Variants in ZNF385D observed in about 807,000 individuals in gnomAD.
The protein encoded by ZNF385D is zinc finger protein 659.
Under a neutral mutation model 35.8 loss-of-function variants are expected in ZNF385D, and 15 were observed. That is an observed-to-expected ratio of 0.42 (90% CI 0.28 to 0.64). ZNF385D has a LOEUF of 0.64. Among genes scored for constraint, ZNF385D ranks in the 30% least tolerant of loss-of-function variants. The pLI, the probability that ZNF385D is intolerant of heterozygous loss-of-function variation, is 0.23. For synonymous variants in ZNF385D, 212 were observed against 186.8 expected (o/e 1.13, Z -1.10); for missense variants, 474 against 494.6 (o/e 0.96, Z 0.39).
rs1306866001 is a variant in ZNF385D at position 21,415,954 on chromosome 3, A to G, written c.*5260T>C. The G allele has an allele frequency of 6.6e-6, 1 of 152,086 alleles. No individual in the cohort carries two copies. The highest frequency in any genetic ancestry group is 1.5e-5 in the Non-Finnish European group (1 of 68,014). The allele number at this position is 152,086 out of a possible 1,614,324, so 9.4% of individuals were successfully genotyped here. ...ATGTTCAGTCCCTTGACATCTGAAC[A>G]TTGATGACCCAACCAGAGAATTCTT... On this transcript the variant is annotated 3_prime_UTR_variant, in exon 8 of 8. Coordinates refer to ENST00000281523, the MANE Select transcript of ZNF385D (RefSeq NM_024697.3).
At chr3:21,697,749 TAACTC>T (rs927568905) in intron 1 of ZNF385D, among the ~76,000 whole-genome samples, 3 of 151,640 alleles carry the variant, frequency 2.0e-5, no homozygotes, top group South Asian at 2.1e-4. Context: ...CAAACTCAAA[TAACTC>T]AACAAGAAAA....
intron 2 of ZNF385D, among the ~76,000 whole-genome samples, chr3:22,340,336 T>C (rs1695366364): frequency 6.6e-6 from 1 of 152,140 alleles, no homozygotes; most frequent in Non-Finnish European, 1.5e-5. Context: ...GCCACTTTAT[T>C]CACTAATCAA....
At chr3:21,708,016 G>T (rs551499241) in intron 1 of ZNF385D, among the ~76,000 whole-genome samples, 50 of 152,260 alleles carry the variant, frequency 3.3e-4, no homozygotes, top group Non-Finnish European at 3.8e-4. Context: ...ACTTTGGAAA[G>T]TAACAATCTC....
rs924363660 is a variant in ZNF385D at position 22,346,181 on chromosome 3, G to C, written c.106+26269C>G. Reference sequence around the variant, plus strand: ...ACTCCTGTTAGCCTTTATGCCTATAGAATGACTTAATTTATAAGCCAGGCT... The same window carrying C: ...ACTCCTGTTAGCCTTTATGCCTATACAATGACTTAATTTATAAGCCAGGCT... On this transcript the variant is annotated intron_variant, in intron 2 of 5. Coordinates refer to the ZNF385D transcript ENST00000494108. 7.2e-5 allele frequency among the ~76,000 whole-genome samples: 11 copies of C among 152,134 alleles called. 1 individual carries two copies. In the South Asian group the frequency reaches 2.3e-3, roughly 32 times the overall value.
At chr3:21,791,384 A>C (rs1575656695) in intron 3 of ZNF385D, among the ~76,000 whole-genome samples, 1 of 152,348 alleles carries the variant, frequency 6.6e-6, no homozygotes, top group East Asian at 1.9e-4. Context: ...GACAAATGAA[A>C]AACATTTAAC....
At position 22,173,681 on chromosome 3, in the gene ZNF385D, C is replaced by T. The variant is rs145529448; in HGVS notation, c.107-4646G>A. ...AGGGAAACATTCACTGCTTCATGTG[C>T]GGTCCACCATCGGATGGCTCTTTAT... is the stretch of plus-strand genomic sequence containing the variant. On this transcript the variant is annotated intron_variant, in intron 2 of 5. Transcript: ENST00000494108. 5.3e-5 allele frequency among the ~76,000 whole-genome samples: 8 copies of T among 152,174 alleles called. No homozygotes were observed. In the East Asian group the frequency reaches 9.7e-4, roughly 18 times the overall value.
intron 3 of ZNF385D, among the ~76,000 whole-genome samples, chr3:22,092,070 A>C (rs1334930364): frequency 6.6e-6 from 1 of 152,196 alleles, no homozygotes; most frequent in Non-Finnish European, 1.5e-5. Flanking sequence ...TTTTGAATAA[A>C]AGTTCAAGAT....
At chr3:21,715,465 T>A (rs2068279354) in intron 1 of ZNF385D, among the ~76,000 whole-genome samples, 1 of 152,214 alleles carries the variant, frequency 6.6e-6, no homozygotes, top group South Asian at 2.1e-4. Flanking sequence ...TTCCATTGTA[T>A]AGGTATACCA....
chr3:22,071,485 G>A (rs1000736625), intron 3 of ZNF385D, among the ~76,000 whole-genome samples: 2 of 152,134 alleles, frequency 1.3e-5, no homozygotes, highest in African/African-American at 4.8e-5. Context: ...CACTTCTGAT[G>A]ATTAAATCAA....
chr3:21,538,511 A>G (rs1277691150), intron 3 of ZNF385D, among the ~76,000 whole-genome samples: 1 of 152,112 alleles, frequency 6.6e-6, no homozygotes, highest in Non-Finnish European at 1.5e-5. Flanking sequence ...ACATAAAATA[A>G]CTTCAGTGGA....
chr3:21,932,937 A>G (rs1253237025), intron 3 of ZNF385D, among the ~76,000 whole-genome samples: 3 of 152,200 alleles, frequency 2.0e-5, no homozygotes, highest in African/African-American at 7.2e-5. Context: ...GAAATTGGCT[A>G]CTGGGATAGG....
chr3:21,886,630 G>A (rs1398607195), intron 3 of ZNF385D, among the ~76,000 whole-genome samples: 1 of 152,002 alleles, frequency 6.6e-6, no homozygotes, highest in Non-Finnish European at 1.5e-5. Context: ...ATGCTACATT[G>A]TCTGTACTGA....
chr3:22,026,400 T>G (rs1040141380), intron 3 of ZNF385D, among the ~76,000 whole-genome samples: 2 of 152,136 alleles, frequency 1.3e-5, no homozygotes, highest in African/African-American at 4.8e-5. Flanking sequence ...ACCAGGTAAC[T>G]GCATTGGGGA....
chr3:22,050,657 C>G (rs1350027836), intron 3 of ZNF385D, among the ~76,000 whole-genome samples: 1 of 152,018 alleles, frequency 6.6e-6, no homozygotes, highest in Non-Finnish European at 1.5e-5. Flanking sequence ...GACCAAAGGC[C>G]ACATATGTTT....
chr3:21,708,708 A>G (rs1032030491), intron 1 of ZNF385D, among the ~76,000 whole-genome samples: 4 of 152,106 alleles, frequency 2.6e-5, no homozygotes, highest in Admixed American at 6.6e-5. Context: ...TCATTCTAAT[A>G]TTTTTATTTT....
At chr3:22,163,616 T>C (rs1706114624) in intron 3 of ZNF385D, among the ~76,000 whole-genome samples, 1 of 152,228 alleles carries the variant, frequency 6.6e-6, no homozygotes, top group Admixed American at 6.5e-5. Flanking sequence ...AATGATATTT[T>C]ACCTGTTAGG....
At chr3:22,109,481 A>C (rs2125641295) in intron 3 of ZNF385D, among the ~76,000 whole-genome samples, 1 of 152,268 alleles carries the variant, frequency 6.6e-6, no homozygotes, top group East Asian at 1.9e-4. Flanking sequence ...AGTGGACAGA[A>C]AGCATCTTAG....
chr3:22,350,745 G>A (rs980858396), intron 2 of ZNF385D, among the ~76,000 whole-genome samples: 1 of 151,838 alleles, frequency 6.6e-6, no homozygotes, highest in East Asian at 1.9e-4. Context: ...TACACTTCTT[G>A]ACAGAGTGCT....
intron 2 of ZNF385D, among the ~76,000 whole-genome samples, chr3:22,232,503 T>C (rs970253663): frequency 6.6e-6 from 1 of 152,192 alleles, no homozygotes. Flanking sequence ...ACCCATCACC[T>C]ATATTAGGTA....
Sources: gnomAD v4.1 joint callset for allele counts (sites outside exome capture counted in the v4.1 genomes callset) on GRCh38, gnomAD v4.1.1 for gene constraint, MANE v1.5 for transcripts, NCBI Gene and HGNC (gene_info 2026-07-23, HGNC 2026-07-21) for gene names.